NBEA: variants seen among roughly 807,000 people sequenced by gnomAD.
NBEA encodes neurobeachin.
A neutral mutation model predicts 343.4 loss-of-function variants in NBEA; 44 were observed. The ratio of observed to expected loss-of-function variants is 0.13; its 90% CI spans 0.10 to 0.16. The LOEUF (loss-of-function observed/expected upper bound fraction) is 0.16, where lower values mean the gene tolerates loss of function less well. Ranked by LOEUF, NBEA falls within the 10% of genes least tolerant of loss-of-function variation. NBEA has a pLI of 1.00. For missense variants in NBEA, 2,555 were observed against 3,631.3 expected, an observed-to-expected ratio of 0.70 and a Z score of 7.62; for synonymous variants, 1,175 against 1,238.7, an observed-to-expected ratio of 0.95 and a Z score of 1.08.
Position 35,308,500 on chromosome 13 carries a change from GTATA to G in NBEA, c.5839-1020_5839-1017del, listed in dbSNP as rs374614481. ...TATATATATATGTGTATATATATGT[GTATA>G]TATATATGTGTATATATGTATATAT... On this transcript the variant is annotated intron_variant, in intron 35 of 58. Coordinates refer to ENST00000379939, the MANE Select transcript of NBEA (RefSeq NM_001385012.1). Among the ~76,000 whole-genome samples, 8 of 98,348 alleles carry G rather than the reference GTATA, an allele frequency of 8.1e-5. 1 individual carries two copies. Among genetic ancestry groups the G allele is most frequent in the African/African-American group, 2.6e-4 (6 of 22,812 alleles). 64.5% of individuals were successfully genotyped at this position (98,348 alleles called of 152,430 possible).
intron 47 of NBEA, among the ~76,000 whole-genome samples, chr13:35,599,433 C>T (rs977689361): frequency 1.3e-5 from 2 of 152,178 alleles, no homozygotes; most frequent in Admixed American, 6.5e-5. Context: ...CTTGACTGGG[C>T]GGCAGAATCT....
chr13:35,163,648 G>A (rs1250597034), intron 23 of NBEA, among the ~76,000 whole-genome samples: 1 of 151,358 alleles, frequency 6.6e-6, no homozygotes, highest in Admixed American at 6.6e-5. Flanking sequence ...ATTCTTGACT[G>A]ACACCAAACG....
chr13:35,509,304 G>A (rs922674636), intron 41 of NBEA, among the ~76,000 whole-genome samples: 3 of 152,134 alleles, frequency 2.0e-5, no homozygotes, highest in Admixed American at 2.0e-4. Context: ...TAGATCCTGG[G>A]CAGGGAAGGC....
Position 35,050,292 on chromosome 13 carries a change from G to A in NBEA, c.869G>A (p.Gly290Asp). ...AGTTTTCGTACTAGCAAAGGAGTTG[G>A]TTACTCTGCTCATTTTGTTGGCAAC... ...LYCFRTSKGV[G>D]YSAHFVGNCL... The change falls in exon 6 of 59, where the codon GGT becomes GAT. Residue 290 changes from glycine (G) to aspartate (D), a missense_variant. Coordinates refer to ENST00000379939, the MANE Select transcript of NBEA (RefSeq NM_001385012.1). 1.9e-6 allele frequency: 3 copies of A among 1,608,928 alleles called. No individual in the cohort carries two copies. The highest frequency in any genetic ancestry group is 1.3e-5 in the African/African-American group (1 of 74,840).
rs189221296 is a variant in NBEA at position 35,661,694 on chromosome 13, C to T, written c.8363-3391C>T. Among the ~76,000 whole-genome samples, 5 of 152,294 alleles carry T rather than the reference C, an allele frequency of 3.3e-5. No homozygotes were observed. The East Asian group carries it at 9.6e-4, about 29-fold the overall frequency. Reference sequence around the variant, plus strand: ...CTCAGCTATTCCAGCAAATTTCTAACATAATATGTTGAAATAAATCTTGAA... The same window carrying T: ...CTCAGCTATTCCAGCAAATTTCTAATATAATATGTTGAAATAAATCTTGAA... On this transcript the variant is annotated intron_variant, in intron 55 of 58. Coordinates refer to ENST00000379939, the MANE Select transcript of NBEA (RefSeq NM_001385012.1).
intron 33 of NBEA, among the ~76,000 whole-genome samples, chr13:35,216,031 T>C (rs2074044982): frequency 1.3e-5 from 2 of 151,696 alleles, no homozygotes; most frequent in African/African-American, 4.8e-5. Flanking sequence ...TGATCCCTAA[T>C]GATGTTCCCT....
At position 34,989,849 on chromosome 13, in the gene NBEA, A is replaced by G. The variant is rs1024881597; in HGVS notation, c.294+46735A>G. Among the ~76,000 whole-genome samples, 5 of 151,086 alleles carry G rather than the reference A, an allele frequency of 3.3e-5. 1 individual carries two copies. The highest frequency in any genetic ancestry group is 5.9e-5 in the Non-Finnish European group (4 of 67,480). ...ACCATAAACAAGTTAGTTACCTCCA[A>G]GATACAATGGGGCTACAGGCATTGG... On this transcript the variant is annotated intron_variant, in intron 1 of 58. Coordinates refer to ENST00000379939, the MANE Select transcript of NBEA (RefSeq NM_001385012.1).
chr13:35,665,577 G>T (rs866989033), intron 56 of NBEA, among the ~76,000 whole-genome samples: 11 of 152,142 alleles, frequency 7.2e-5, no homozygotes, highest in African/African-American at 2.7e-4. Context: ...AAGGCCAGGG[G>T]CTGTGTAGAG....
intron 34 of NBEA, among the ~76,000 whole-genome samples, chr13:35,269,179 A>G (rs1594014907): frequency 1.3e-5 from 2 of 152,166 alleles, no homozygotes; most frequent in Non-Finnish European, 2.9e-5. Context: ...AAAAAATAAC[A>G]TAAGTTGAAC....
Position 35,117,431 on chromosome 13 carries a change from CA to C in NBEA, c.2025del (p.Glu676LysfsTer5). The C allele has an allele frequency of 2.9e-6, 4 of 1,375,492 alleles. No homozygotes were observed. Among genetic ancestry groups the C allele is most frequent in the Non-Finnish European group, 3.8e-6 (4 of 1,052,496 alleles). 85.2% of individuals were successfully genotyped at this position (1,375,492 alleles called of 1,614,324 possible). A position where few individuals can be genotyped will look rare whatever the true frequency, so the allele number is the denominator to read the frequency against. On this transcript the variant is annotated frameshift_variant, in exon 14 of 59. Coordinates refer to ENST00000379939, the MANE Select transcript of NBEA (RefSeq NM_001385012.1). LOFTEE classifies it high-confidence loss of function. Reference protein sequence around the residue: ...PKGLDGPRPSQKEIISLRAFM... With the variant: ...PKGLDGPRPSXKEIISLRAFM... ...TGTTCTAGATGGTCCCCGGCCATCA[CA>C]AAAAGAAATTATATCACTGAGGGCA...
At chr13:35,046,343 A>G (rs2062855808) in intron 4 of NBEA, among the ~76,000 whole-genome samples, 1 of 152,130 alleles carries the variant, frequency 6.6e-6, no homozygotes, top group Admixed American at 6.6e-5. Context: ...GTTTACTTTC[A>G]TGAGAAACTG....
At chr13:35,371,979 C>T (rs887432021) in intron 38 of NBEA, among the ~76,000 whole-genome samples, 1 of 152,096 alleles carries the variant, frequency 6.6e-6, no homozygotes, top group Non-Finnish European at 1.5e-5. Flanking sequence ...GTGGGCCAGT[C>T]CTTTGGGCTC....
chr13:35,088,683 ACAG>A (rs2064903813), intron 10 of NBEA, among the ~76,000 whole-genome samples: 1 of 152,016 alleles, frequency 6.6e-6, no homozygotes, highest in Admixed American at 6.6e-5. Flanking sequence ...TCTAACCAAA[ACAG>A]CATGGTACCG....
intron 30 of NBEA, among the ~76,000 whole-genome samples, chr13:35,188,634 G>A (rs569636546): frequency 2.0e-5 from 3 of 151,610 alleles, no homozygotes; most frequent in African/African-American, 4.8e-5. Context: ...TCATCTCTTC[G>A]TCAATAGACA....
intron 35 of NBEA, among the ~76,000 whole-genome samples, chr13:35,307,644 A>G (rs765282680): frequency 6.6e-6 from 1 of 152,204 alleles, no homozygotes; most frequent in East Asian, 1.9e-4. Context: ...TACAAACACT[A>G]TCACAGAAAA....
intron 34 of NBEA, among the ~76,000 whole-genome samples, chr13:35,278,249 A>G (rs924066645): frequency 2.6e-5 from 4 of 151,842 alleles, no homozygotes; most frequent in Non-Finnish European, 5.9e-5. Flanking sequence ...AACAAACTCA[A>G]TAAGGATGTT....
At chr13:35,428,701 A>G (rs1276140294) in intron 38 of NBEA, among the ~76,000 whole-genome samples, 1 of 151,942 alleles carries the variant, frequency 6.6e-6, no homozygotes, top group Non-Finnish European at 1.5e-5. Context: ...ATTCTCTGCC[A>G]TTTCGATGTT....
chr13:34,973,433 C>T (rs1031368936), intron 1 of NBEA, among the ~76,000 whole-genome samples: 2 of 152,174 alleles, frequency 1.3e-5, no homozygotes, highest in African/African-American at 4.8e-5. Context: ...GCAGCCTGCC[C>T]CTCCCTCTGG....
At chr13:34,958,087 T>G (rs1362190362) in intron 1 of NBEA, among the ~76,000 whole-genome samples, 3 of 152,126 alleles carry the variant, frequency 2.0e-5, no homozygotes, top group Admixed American at 2.0e-4. Context: ...GTTGTAGATA[T>G]ATTGCCTTTA....
Sources: gnomAD v4.1 joint callset for allele counts (sites outside exome capture counted in the v4.1 genomes callset) on GRCh38, gnomAD v4.1.1 for gene constraint, MANE v1.5 for transcripts, NCBI Gene and HGNC (gene_info 2026-07-23, HGNC 2026-07-21) for gene names.